The following TRIM37 variants were observed in gnomAD, a reference collection of about 807,000 sequenced individuals.
The protein encoded by TRIM37 is E3 ubiquitin-protein ligase TRIM37.
A neutral mutation model predicts 129.8 loss-of-function variants in TRIM37; 80 were observed. The ratio of observed to expected loss-of-function variants is 0.62; its 90% CI spans 0.51 to 0.74. The LOEUF (loss-of-function observed/expected upper bound fraction) is 0.74. Ranked by LOEUF, TRIM37 falls within the 30% of genes least tolerant of loss-of-function variation. The pLI is 0.00. For missense variants in TRIM37, 1,054 were observed against 1,176.5 expected (o/e 0.90, Z 1.52); for synonymous variants, 389 against 387.1 (o/e 1.00, Z -0.06).
rs528179915 is a variant in TRIM37, at chr17:59,005,139, C to T, written c.2696-3425G>A. On this transcript the variant is annotated intron_variant, in intron 22 of 23. Coordinates refer to ENST00000262294, the MANE Select transcript of TRIM37 (RefSeq NM_015294.6). The stretch of plus-strand genomic sequence containing the variant: ...GAACTTCAAGGCACAAATTTGACCT[C>T]TTATTAGTAGTGTTTCTGAATTCCC... Among the ~76,000 whole-genome samples the T allele has an allele frequency of 3.3e-5, 5 of 152,296 alleles. No homozygotes were observed. The South Asian group carries it at 1.0e-3, about 32-fold the overall frequency.
intron 19 of TRIM37, among the ~76,000 whole-genome samples, chr17:59,024,390 A>G (rs2036993698): frequency 6.6e-6 from 1 of 152,204 alleles, no homozygotes; most frequent in Admixed American, 6.5e-5. Context: ...ATTTAACAAG[A>G]CATATATAGA....
chr17:59,091,441 AAT>A lies in TRIM37; in HGVS notation c.124-103_124-102del, dbSNP rs1052929572. 152 of 206,538 alleles carry A rather than the reference AAT, an allele frequency of 7.4e-4. 1 individual carries two copies. The highest frequency in any genetic ancestry group is 3.5e-3 in the African/African-American group (137 of 39,082). 12.8% of individuals were successfully genotyped at this position (206,538 alleles called of 1,614,324 possible). On this transcript the variant is annotated intron_variant, in intron 2 of 23. Coordinates refer to ENST00000262294, the MANE Select transcript of TRIM37 (RefSeq NM_015294.6). ...TATATATAATATATATAATATTCTT[AAT>A]ATATATAATATATAAATATATAATA... is the stretch of plus-strand genomic sequence containing the variant.
intron 22 of TRIM37, among the ~76,000 whole-genome samples, chr17:59,009,041 G>T (rs1308424791): frequency 6.6e-6 from 1 of 152,200 alleles, no homozygotes; most frequent in Non-Finnish European, 1.5e-5. Flanking sequence ...TCCAAGGGTG[G>T]ATTAGGGACT....
chr17:59,004,065 T>C (rs779459166), intron 22 of TRIM37, among the ~76,000 whole-genome samples: 11 of 152,002 alleles, frequency 7.2e-5, no homozygotes, highest in Non-Finnish European at 1.0e-4. Context: ...GCTATGATTG[T>C]ACCACTGTAC....
intron 22 of TRIM37, among the ~76,000 whole-genome samples, chr17:59,006,165 C>T (rs964098859): frequency 3.9e-5 from 6 of 152,046 alleles, no homozygotes; most frequent in Non-Finnish European, 8.8e-5. Context: ...TGCATGAAAA[C>T]GCCTGGTCTT....
chr17:59,071,066 AAAGT>A, intron 8 of TRIM37, 119 bp from the exon 9 acceptor site: 1 of 1,165,088 alleles, frequency 8.6e-7, no homozygotes, highest in Non-Finnish European at 1.2e-6. Context: ...AAAATAACTC[AAAGT>A]GAGCTTGAGA....
intron 6 of TRIM37, among the ~76,000 whole-genome samples, chr17:59,080,229 A>G (rs2043145153): frequency 6.6e-6 from 1 of 152,206 alleles, no homozygotes; most frequent in South Asian, 2.1e-4. Flanking sequence ...AACAAAATGT[A>G]TTCTAAAAAC....
At chr17:59,048,544 G>T (rs955735566) in intron 15 of TRIM37, among the ~76,000 whole-genome samples, 4 of 152,116 alleles carry the variant, frequency 2.6e-5, no homozygotes, top group African/African-American at 9.7e-5. Context: ...GTCTACCTAC[G>T]TAAGTAATGA....
At chr17:59,102,182 T>C (rs1032371235) in intron 2 of TRIM37, among the ~76,000 whole-genome samples, 2 of 152,084 alleles carry the variant, frequency 1.3e-5, no homozygotes, top group Non-Finnish European at 2.9e-5. Flanking sequence ...GTAAATCAAA[T>C]TTCCCAAAGT....
intron 5 of TRIM37, 128 bp from the exon 6 acceptor site, chr17:59,081,347 T>G: frequency 3.7e-6 from 5 of 1,367,626 alleles, no homozygotes; most frequent in Non-Finnish European, 4.0e-6. Context: ...ATTAGCTAAT[T>G]TAATTTTGTT....
intron 2 of TRIM37, among the ~76,000 whole-genome samples, chr17:59,101,134 A>C (rs2045430579): frequency 6.6e-6 from 1 of 152,184 alleles, no homozygotes; most frequent in Non-Finnish European, 1.5e-5. Flanking sequence ...GAAAACAAGT[A>C]GGCAAGCAAT....
At chr17:59,009,298 T>C (rs147152161) in intron 22 of TRIM37, among the ~76,000 whole-genome samples, 4,387 of 151,994 alleles carry the variant, frequency 0.029, 174 homozygotes, top group African/African-American at 0.09. Context: ...TGGCTGATTT[T>C]TCTATTTTTA....
intron 4 of TRIM37, among the ~76,000 whole-genome samples, chr17:59,087,288 GT>G (rs2147190835): frequency 6.6e-6 from 1 of 151,614 alleles, no homozygotes; most frequent in Admixed American, 6.6e-5. Flanking sequence ...TAGAGACAGG[GT>G]TCTCCATGTT....
chr17:59,081,366 C>T, intron 5 of TRIM37, 147 bp from the exon 6 acceptor site: 1 of 1,101,632 alleles, frequency 9.1e-7, no homozygotes, highest in South Asian at 1.5e-5. Flanking sequence ...TTGAAGCAGG[C>T]CAGTGCCCGC....
chr17:59,058,494 C>T (rs1447798685), intron 12 of TRIM37, among the ~76,000 whole-genome samples: 2 of 151,916 alleles, frequency 1.3e-5, no homozygotes. Context: ...CATGAGTTTA[C>T]CTATGTAACA....
intron 17 of TRIM37, among the ~76,000 whole-genome samples, chr17:59,032,716 AG>A (rs955529671): frequency 3.9e-4 from 60 of 152,100 alleles, no homozygotes; most frequent in African/African-American, 1.3e-3. Context: ...GGTAAGGGTA[AG>A]GAGAAGGAGA....
At chr17:59,038,280 T>G (rs1222017343) in intron 17 of TRIM37, among the ~76,000 whole-genome samples, 1 of 152,200 alleles carries the variant, frequency 6.6e-6, no homozygotes, top group East Asian at 1.9e-4. Flanking sequence ...TTCTTTTGTA[T>G]GTACATTGTC....
At chr17:59,074,399 A>G (rs939237808) in intron 8 of TRIM37, among the ~76,000 whole-genome samples, 2 of 152,220 alleles carry the variant, frequency 1.3e-5, no homozygotes, top group African/African-American at 4.8e-5. Context: ...CTACAGATAT[A>G]TATGTGTGTA....
chr17:59,056,747 A>AAAAAAAAAAAAAAAAAAAAAAAAAAT, intron 13 of TRIM37, 128 bp downstream of exon 13: 1 of 427,110 alleles, frequency 2.3e-6, no homozygotes, highest in Non-Finnish European at 4.1e-6. Flanking sequence ...AAAAAAAAAA[A>AAAAAAAAAAAAAAAAAAAAAAAAAAT]GGTGATAAGG....
Sources: allele counts gnomAD v4.1 joint callset (sites outside exome capture counted in the v4.1 genomes callset), GRCh38; gene constraint gnomAD v4.1.1; transcripts MANE v1.5; gene names NCBI Gene and HGNC (gene_info 2026-07-23, HGNC 2026-07-21).